TXNRD2: variants seen among roughly 807,000 people sequenced by gnomAD.
The protein encoded by TXNRD2 is thioredoxin reductase 2.
Under a neutral mutation model 70.8 loss-of-function variants are expected in TXNRD2, and 67 were observed. The ratio of observed to expected loss-of-function variants is 0.95; its 90% confidence interval spans 0.78 to 1.16. TXNRD2 has a LOEUF of 1.16. Ranked by LOEUF, TXNRD2 falls within the 50% of genes most tolerant of loss-of-function variation. TXNRD2 has a pLI of 0.00. For synonymous variants in TXNRD2, 301 were observed against 295.8 expected, an observed-to-expected ratio of 1.02 and a Z score of -0.18; for missense variants, 644 against 719.9, an observed-to-expected ratio of 0.89 and a Z score of 1.21.
At chr22:19,879,899 C>T (rs1938683651) in intron 14 of TXNRD2, among the ~76,000 whole-genome samples, 1 of 152,150 alleles carries the variant, frequency 6.6e-6, no homozygotes, top group Non-Finnish European at 1.5e-5. Context: ...CTTCTCCTTG[C>T]CCTCAGAACA....
In TXNRD2 at chr22:19,929,696, T is replaced by C. The variant is rs376730403; in HGVS notation, c.172+1334A>G. On this transcript the variant is annotated intron_variant, in intron 2 of 17. Transcript: ENST00000400521. ...ACTGAGAGACAATAAGCATGTGTTG[T>C]TTCAGCCGCCCAGTCTGTTATGGCA... 3.3e-5 allele frequency among the ~76,000 whole-genome samples: 5 copies of C among 152,156 alleles called. No individual in the cohort carries two copies. In the East Asian group the frequency reaches 5.8e-4, roughly 18 times the overall value.
intron 2 of TXNRD2, among the ~76,000 whole-genome samples, chr22:19,929,005 CA>C (rs376971304): frequency 4.3e-4 from 53 of 122,588 alleles, no homozygotes; most frequent in Non-Finnish European, 4.3e-4. Context: ...GACTCGCTTG[CA>C]AAAAAAAAAA....
At chr22:19,916,096 A>G (rs2146038192) in intron 5 of TXNRD2, 1 of 478,154 alleles carries the variant, frequency 2.1e-6, no homozygotes, top group South Asian at 2.0e-5. Flanking sequence ...AAGCCAGCTC[A>G]GCACGGTCCT....
chr22:19,933,342 A>T (rs764850880), intron 1 of TXNRD2: 1 of 799,732 alleles, frequency 1.3e-6, no homozygotes, highest in Non-Finnish European at 1.8e-6. Flanking sequence ...AAATGCCACC[A>T]GGTCCCCCGG....
At chr22:19,912,356 G>C (rs1409138633) in intron 7 of TXNRD2, among the ~76,000 whole-genome samples, 1 of 152,248 alleles carries the variant, frequency 6.6e-6, no homozygotes, top group Non-Finnish European at 1.5e-5. Context: ...CCCTGGGAGG[G>C]CGTGGCAGGG....
At position 19,908,069 on chromosome 22, in the gene TXNRD2, A is replaced by AGGAG. The variant is rs1309094758; in HGVS notation, c.662+3304_662+3307dup. Among the ~76,000 whole-genome samples the AGGAG allele has an allele frequency of 7.7e-4, 80 of 104,366 alleles. 1 individual carries two copies. The highest frequency in any genetic ancestry group is 3.1e-3 in the African/African-American group (78 of 25,488). The allele number at this position is 104,366 out of a possible 152,430, so 68.5% of individuals were successfully genotyped here. On this transcript the variant is annotated intron_variant, in intron 8 of 17. Transcript: ENST00000400521. ...GCCGTGGGTAGCAGTGACCGCTCTC[A>AGGAG]GGAGAGTGTGGGCGCCGTGGGTAGC...
In TXNRD2 at chr22:19,894,836, A is replaced by C. The variant is rs555803847; in HGVS notation, c.949+571T>G. On this transcript the variant is annotated intron_variant, in intron 11 of 17. Transcript: ENST00000400521. ...AACCCCGTCTCTACTAAAAATACAA[A>C]AATTAGTCAGGTGTAGTGGTGGGCG... The C allele has an allele frequency of 2.7e-3, 1,168 of 427,406 alleles. 2 individuals carry two copies. The highest frequency in any genetic ancestry group is 4.0e-3 in the Non-Finnish European group (966 of 243,066). The allele number at this position is 427,406 out of a possible 1,614,324, so 26.5% of individuals were successfully genotyped here.
chr22:19,929,959 G>T (rs1941296946), intron 2 of TXNRD2, among the ~76,000 whole-genome samples: 1 of 152,210 alleles, frequency 6.6e-6, no homozygotes, highest in African/African-American at 2.4e-5. Flanking sequence ...GATTAAAGGG[G>T]ACTCAGGTCT....
At chr22:19,895,678 G>A in intron 10 of TXNRD2, 97 bp from the exon 11 acceptor site, 1 of 1,431,262 alleles carries the variant, frequency 7.0e-7, no homozygotes, top group Non-Finnish European at 9.6e-7. Flanking sequence ...GAAGGGCGGA[G>A]AGGGGTCTGT....
chr22:19,915,189 GA>G, intron 7 of TXNRD2, 24 bp downstream of exon 7: 1 of 1,612,302 alleles, frequency 6.2e-7, no homozygotes. Context: ...CGGCAGCAGG[GA>G]CGCTATGCTC....
intron 2 of TXNRD2, among the ~76,000 whole-genome samples, chr22:19,929,151 C>A (rs1941265215): frequency 6.6e-6 from 1 of 151,642 alleles, no homozygotes; most frequent in South Asian, 2.1e-4. Context: ...CACAGTGAAA[C>A]CCCGTCTCTA....
chr22:19,875,861 C>T (rs1340453606), intron 17 of TXNRD2, 54 bp from the exon 18 acceptor site: 1 of 152,260 alleles, frequency 6.6e-6, no homozygotes, highest in East Asian at 1.9e-4. Flanking sequence ...TCACATCAGC[C>T]TAGCTATGTC....
At position 19,918,879 on chromosome 22, in the gene TXNRD2, G is replaced by A. The variant is rs771851819; in HGVS notation, c.355C>T (p.Gln119Ter). ...DAPNYGWEVA[Q>*]PVPHDWRKMA... Reference sequence around the variant, plus strand: ...CCTTACCAGTCATGCGGCACGGGCTGGGCCACCTCCCAGCCATAGTTGGGG... The same window carrying A: ...CCTTACCAGTCATGCGGCACGGGCTAGGCCACCTCCCAGCCATAGTTGGGG... Residue 119 changes from glutamine to a stop codon, truncating the protein, a stop_gained, in exon 4 of 18, where the codon CAG (glutamine) becomes TAG (stop). Coordinates refer to ENST00000400521, the MANE Select transcript of TXNRD2 (RefSeq NM_006440.5). LOFTEE classifies it high-confidence loss of function. 6.2e-7 allele frequency: 1 copy of A among 1,610,384 alleles called. No individual in the cohort carries two copies.
chr22:19,932,163 A>G (rs1167789948), intron 1 of TXNRD2, among the ~76,000 whole-genome samples: 1 of 91,172 alleles, frequency 1.1e-5, no homozygotes, highest in Non-Finnish European at 2.3e-5. Context: ...TCCGTCTCAA[A>G]AAAAAAAAAA....
chr22:19,914,864 G>A (rs959168711), intron 7 of TXNRD2: 1 of 342,698 alleles, frequency 2.9e-6, no homozygotes, highest in Non-Finnish European at 5.6e-6. Flanking sequence ...TGAAGAATGA[G>A]GCTTATATCC....
intron 12 of TXNRD2, among the ~76,000 whole-genome samples, chr22:19,882,058 G>A (rs1485720784): frequency 6.6e-6 from 1 of 152,218 alleles, no homozygotes; most frequent in Admixed American, 6.5e-5. Context: ...CAGAGAAACT[G>A]TAAGAGGCAA....
chr22:19,886,327 A>G (rs1350990403), intron 11 of TXNRD2, among the ~76,000 whole-genome samples: 1 of 152,192 alleles, frequency 6.6e-6, no homozygotes, highest in East Asian at 1.9e-4. Flanking sequence ...GAGCCCCACT[A>G]TGGGTCTTGC....
intron 9 of TXNRD2, 88 bp downstream of exon 9, chr22:19,898,961 C>T: frequency 6.5e-7 from 1 of 1,545,632 alleles, no homozygotes; most frequent in East Asian, 2.3e-5. Context: ...CAGCAAAGAG[C>T]CTGCCGGAAG....
At chr22:19,921,288 G>A (rs577995619) in intron 2 of TXNRD2, among the ~76,000 whole-genome samples, 1 of 151,934 alleles carries the variant, frequency 6.6e-6, no homozygotes, top group Non-Finnish European at 1.5e-5. Flanking sequence ...GGTGGCATGC[G>A]CCTGTGGTCC....
Sources: gnomAD v4.1 joint callset for allele counts (sites outside exome capture counted in the v4.1 genomes callset) on GRCh38, gnomAD v4.1.1 for gene constraint, MANE v1.5 for transcripts, NCBI Gene and HGNC (gene_info 2026-07-23, HGNC 2026-07-21) for gene names.